The following NRXN3 variants were observed in gnomAD, a reference collection of about 807,000 sequenced individuals.
The protein encoded by NRXN3 is neurexin III.
Under a neutral mutation model 137.6 loss-of-function variants are expected in NRXN3, and 32 were observed. The ratio of observed to expected loss-of-function variants is 0.23; its 90% CI spans 0.18 to 0.31. The LOEUF is 0.31. Among genes scored for constraint, NRXN3 ranks in the 10% least tolerant of loss-of-function variants. The pLI is 1.00. For synonymous variants in NRXN3, 798 were observed against 784.5 expected (o/e 1.02, Z -0.29); for missense variants, 1,574 against 2,062.5 (o/e 0.76, Z 4.59).
chr14:78,340,074 C>T (rs764099521), intron 4 of NRXN3, among the ~76,000 whole-genome samples: 17 of 152,200 alleles, frequency 1.1e-4, no homozygotes, highest in Non-Finnish European at 2.2e-4. Flanking sequence ...AAGCAGGTCT[C>T]ATCCAATGGA....
At chr14:79,620,018 G>A (rs2098205227) in intron 16 of NRXN3, among the ~76,000 whole-genome samples, 1 of 152,044 alleles carries the variant, frequency 6.6e-6, no homozygotes. Context: ...AATATTCATG[G>A]GAGGCTAGGC....
chr14:79,395,422 A>C (rs2153479795), intron 15 of NRXN3, among the ~76,000 whole-genome samples: 1 of 152,282 alleles, frequency 6.6e-6, no homozygotes, highest in Middle Eastern at 3.4e-3. Flanking sequence ...CCTTTTCAAG[A>C]GATTTTGAGT....
At chr14:78,303,451 T>A (rs2077064178) in intron 4 of NRXN3, among the ~76,000 whole-genome samples, 1 of 152,148 alleles carries the variant, frequency 6.6e-6, no homozygotes, top group Non-Finnish European at 1.5e-5. Context: ...AAATCTCTAA[T>A]CCTCTTATCT....
intron 19 of NRXN3, among the ~76,000 whole-genome samples, chr14:79,720,532 C>T (rs952868289): frequency 9.2e-5 from 14 of 152,032 alleles, no homozygotes; most frequent in Non-Finnish European, 1.9e-4. Context: ...TACCAATCAG[C>T]GGTTGGCTTC....
intron 15 of NRXN3, among the ~76,000 whole-genome samples, chr14:79,333,539 G>A (rs1480683389): frequency 6.6e-6 from 1 of 152,150 alleles, no homozygotes; most frequent in Admixed American, 6.5e-5. Flanking sequence ...CCCACCATTG[G>A]AGAAGGGCCG....
At chr14:79,525,406 A>G (rs902423373) in intron 16 of NRXN3, among the ~76,000 whole-genome samples, 1 of 152,078 alleles carries the variant, frequency 6.6e-6, no homozygotes, top group Non-Finnish European at 1.5e-5. Flanking sequence ...TCTCCAACTC[A>G]TGATCAGAAT....
intron 15 of NRXN3, among the ~76,000 whole-genome samples, chr14:79,231,325 G>A (rs2072152019): frequency 6.6e-6 from 1 of 152,128 alleles, no homozygotes; most frequent in Non-Finnish European, 1.5e-5. Context: ...AATAGTCAAA[G>A]GCTGAGATAG....
chr14:78,310,684 G>A (rs1041333894), intron 4 of NRXN3, among the ~76,000 whole-genome samples: 2 of 152,018 alleles, frequency 1.3e-5, no homozygotes, highest in Non-Finnish European at 1.5e-5. Context: ...TCAGCATTAT[G>A]GAACAAATAG....
intron 15 of NRXN3, among the ~76,000 whole-genome samples, chr14:79,455,309 A>C (rs1009056366): frequency 3.9e-5 from 6 of 152,168 alleles, no homozygotes; most frequent in Non-Finnish European, 5.9e-5. Flanking sequence ...CAAAGACCTT[A>C]CCCTATAATA....
At chr14:79,058,072 C>G (rs1376462098) in intron 15 of NRXN3, among the ~76,000 whole-genome samples, 3 of 151,820 alleles carry the variant, frequency 2.0e-5, no homozygotes, top group African/African-American at 7.3e-5. Flanking sequence ...ATTGAGGGAG[C>G]TTATGCCTGA....
intron 10 of NRXN3, among the ~76,000 whole-genome samples, chr14:78,947,922 A>G (rs1375677240): frequency 6.6e-6 from 1 of 152,344 alleles, no homozygotes; most frequent in East Asian, 1.9e-4. Flanking sequence ...TTAATTTCAC[A>G]ATTCAATAGC....
intron 16 of NRXN3, among the ~76,000 whole-genome samples, chr14:79,638,205 T>C (rs914693328): frequency 2.0e-5 from 3 of 152,218 alleles, no homozygotes; most frequent in Admixed American, 6.5e-5. Flanking sequence ...AACCAAATAA[T>C]CATGTTTATT....
intron 15 of NRXN3, among the ~76,000 whole-genome samples, chr14:79,041,970 A>G (rs1038244306): frequency 7.9e-5 from 12 of 152,300 alleles, no homozygotes; most frequent in African/African-American, 2.6e-4. Context: ...AATGTGAGAG[A>G]TAGCCTGGAG....
intron 17 of NRXN3, among the ~76,000 whole-genome samples, chr14:79,680,348 G>A (rs1331515316): frequency 1.3e-5 from 2 of 152,010 alleles, no homozygotes; most frequent in Non-Finnish European, 2.9e-5. Context: ...TCCTGCCATT[G>A]TACTCCAGCC....
intron 19 of NRXN3, among the ~76,000 whole-genome samples, chr14:79,706,754 A>C (rs2154042775): frequency 6.6e-6 from 1 of 152,254 alleles, no homozygotes; most frequent in East Asian, 1.9e-4. Context: ...GCACAAAGAA[A>C]ATTTACCTAA....
intron 17 of NRXN3, among the ~76,000 whole-genome samples, chr14:79,687,384 G>A (rs1411960434): frequency 1.3e-5 from 2 of 152,122 alleles, no homozygotes. Context: ...TACTTTCTCT[G>A]AAACTTAACT....
At chr14:78,836,929 A>T (rs575878607) in intron 10 of NRXN3, among the ~76,000 whole-genome samples, 2 of 152,088 alleles carry the variant, frequency 1.3e-5, no homozygotes, top group Middle Eastern at 3.2e-3. Context: ...CTTCTATTCT[A>T]TTGAGCCTTA....
chr14:78,643,939 G>A (rs1413074275), intron 4 of NRXN3, among the ~76,000 whole-genome samples: 1 of 152,094 alleles, frequency 6.6e-6, no homozygotes, highest in Non-Finnish European at 1.5e-5. Context: ...TCAAGAGATT[G>A]AGACCATCCT....
intron 20 of NRXN3, among the ~76,000 whole-genome samples, chr14:79,813,111 A>G (rs1276471277): frequency 6.6e-6 from 1 of 152,172 alleles, no homozygotes; most frequent in Non-Finnish European, 1.5e-5. Context: ...AACAGCCCCT[A>G]CCATCAGTCA....
Sources: allele counts gnomAD v4.1 joint callset (sites outside exome capture counted in the v4.1 genomes callset), GRCh38; gene constraint gnomAD v4.1.1; transcripts MANE v1.5; gene names NCBI Gene and HGNC (gene_info 2026-07-23, HGNC 2026-07-21).